The following PTGER3 variants were observed in gnomAD, a reference collection of about 807,000 sequenced individuals.
PTGER3 encodes prostaglandin E2 receptor EP3 subtype.
A neutral mutation model predicts 34.7 loss-of-function variants in PTGER3; 22 were observed. The ratio of observed to expected loss-of-function variants is 0.63; its 90% CI spans 0.45 to 0.91. The LOEUF (loss-of-function observed/expected upper bound fraction) is 0.91. Ranked by LOEUF, PTGER3 falls within the 40% of genes least tolerant of loss-of-function variation. The probability of loss-of-function intolerance (pLI) is 0.00; values close to 1 mark genes in which losing one functional copy is unlikely to be tolerated. For missense variants in PTGER3, 468 were observed against 519.4 expected (o/e 0.90, Z 0.96); for synonymous variants, 241 against 230.1 (o/e 1.05, Z -0.43).
chr1:71,010,333 C>CTGAT, intron 2 of PTGER3: 9 of 984,750 alleles, frequency 9.1e-6, no homozygotes, highest in Non-Finnish European at 1.1e-5. Flanking sequence ...CTTTATCAGC[C>CTGAT]TGATGGACTG....
intron 1 of PTGER3, among the ~76,000 whole-genome samples, chr1:71,019,056 A>G (rs1488112477): frequency 6.6e-6 from 1 of 152,240 alleles, no homozygotes; most frequent in African/African-American, 2.4e-5. Flanking sequence ...ATAAATTCAA[A>G]TTAGCATCCA....
At chr1:71,008,995 GT>G (rs1236480857) in intron 2 of PTGER3, 1 of 983,410 alleles carries the variant, frequency 1.0e-6, no homozygotes, top group African/African-American at 1.7e-5. Flanking sequence ...AAGAACAAAA[GT>G]TTTCTATTTT....
chr1:70,985,985 T>C (rs552950905), intron 2 of PTGER3, among the ~76,000 whole-genome samples: 2 of 152,230 alleles, frequency 1.3e-5, no homozygotes, highest in Non-Finnish European at 1.5e-5. Context: ...AGGAGATCAG[T>C]GCAGGACACA....
downstream of PTGER3, among the ~76,000 whole-genome samples, chr1:70,967,076 T>A (rs954783535): frequency 6.6e-5 from 10 of 152,090 alleles, no homozygotes; most frequent in African/African-American, 2.2e-4. Flanking sequence ...ACAGCAGTCA[T>A]GTCATGCCAT....
chr1:70,870,036 A>G (rs1166980650), intron 4 of PTGER3, among the ~76,000 whole-genome samples: 1 of 152,166 alleles, frequency 6.6e-6, no homozygotes, highest in Non-Finnish European at 1.5e-5. Context: ...GTTCTCTGTG[A>G]GGGCTCACTC....
chr1:70,979,289 T>C (rs968794350), intron 2 of PTGER3, among the ~76,000 whole-genome samples: 1 of 151,948 alleles, frequency 6.6e-6, no homozygotes, highest in African/African-American at 2.4e-5. Flanking sequence ...TAGATATTAT[T>C]TCTATTTTAT....
chr1:70,869,882 G>T lies in PTGER3; in HGVS notation c.*24-17023C>A, dbSNP rs1446107826. On this transcript the variant is annotated intron_variant, in intron 4 of 4. Coordinates refer to the PTGER3 transcript ENST00000370931. ...CATGTCTGTGGCTCTTCTACACTGA[G>T]GGTGCAAAGTGCCAGTGGTTCTTCC... 4.6e-5 allele frequency among the ~76,000 whole-genome samples: 7 copies of T among 152,264 alleles called. No homozygotes were observed. In the South Asian group the frequency reaches 8.3e-4, roughly 18 times the overall value.
At chr1:70,981,756 A>AT (rs764714604) in intron 2 of PTGER3, among the ~76,000 whole-genome samples, 1 of 152,034 alleles carries the variant, frequency 6.6e-6, no homozygotes, top group Admixed American at 6.6e-5. Flanking sequence ...TTAAGCTAAC[A>AT]TAAGTTTTGA....
At chr1:70,917,502 A>T (rs970205601) in intron 4 of PTGER3, among the ~76,000 whole-genome samples, 1 of 150,500 alleles carries the variant, frequency 6.6e-6, no homozygotes, top group Non-Finnish European at 1.5e-5. Context: ...TATTGTGAAT[A>T]GCACTGCAAT....
At chr1:70,983,672 AC>A (rs2100738322) in intron 2 of PTGER3, among the ~76,000 whole-genome samples, 1 of 152,296 alleles carries the variant, frequency 6.6e-6, no homozygotes, top group East Asian at 1.9e-4. Context: ...ATAACCACGC[AC>A]ACCTGGTCAA....
At chr1:70,955,626 G>T (rs1435377787) in intron 2 of PTGER3, among the ~76,000 whole-genome samples, 1 of 152,128 alleles carries the variant, frequency 6.6e-6, no homozygotes, top group African/African-American at 2.4e-5. Flanking sequence ...TGTTAGTAGA[G>T]ATTGGAAGTA....
intron 4 of PTGER3, among the ~76,000 whole-genome samples, chr1:70,897,727 T>G (rs1344082881): frequency 6.6e-6 from 1 of 152,224 alleles, no homozygotes; most frequent in Non-Finnish European, 1.5e-5. Flanking sequence ...GAATGTTTCC[T>G]GGTTTCCACC....
chr1:70,876,247 C>T (rs1369354692), intron 4 of PTGER3, among the ~76,000 whole-genome samples: 2 of 149,168 alleles, frequency 1.3e-5, no homozygotes, highest in Non-Finnish European at 3.0e-5. Context: ...CTTTTGGACA[C>T]AGTCTGTTCA....
At position 70,972,876 on chromosome 1, in the gene PTGER3, G is replaced by C. The variant is rs191324301; in HGVS notation, c.1170-1143C>G. 3.3e-4 allele frequency among the ~76,000 whole-genome samples: 50 copies of C among 152,120 alleles called. No individual in the cohort carries two copies. In the East Asian group the frequency reaches 8.3e-3, roughly 25 times the overall value. Reference sequence around the variant, plus strand: ...ACATGATACTGAATTTTTACTGACTGGTGAGACTAAAGTTTAGTAAGCTAT... The same window carrying C: ...ACATGATACTGAATTTTTACTGACTCGTGAGACTAAAGTTTAGTAAGCTAT... On this transcript the variant is annotated intron_variant, in intron 3 of 3. Coordinates refer to ENST00000306666, the MANE Select transcript of PTGER3 (RefSeq NM_198719.2).
intron 4 of PTGER3, among the ~76,000 whole-genome samples, chr1:70,939,016 C>A (rs1212349362): frequency 6.6e-6 from 1 of 152,148 alleles, no homozygotes; most frequent in African/African-American, 2.4e-5. Context: ...TGAGACAAGA[C>A]AAATCCCTTC....
chr1:71,021,855 G>C (rs1303215335), intron 1 of PTGER3, among the ~76,000 whole-genome samples: 1 of 151,732 alleles, frequency 6.6e-6, no homozygotes, highest in African/African-American at 2.4e-5. Context: ...TTAAACTATG[G>C]ACCATCCTTC....
At chr1:70,853,784 C>T (rs1645736371) in intron 4 of PTGER3, among the ~76,000 whole-genome samples, 1 of 152,100 alleles carries the variant, frequency 6.6e-6, no homozygotes, top group Non-Finnish European at 1.5e-5. Flanking sequence ...ACATATGGAT[C>T]AATAGAATAG....
intron 4 of PTGER3, among the ~76,000 whole-genome samples, chr1:70,916,974 TC>T (rs1036332881): frequency 2.6e-5 from 4 of 151,996 alleles, no homozygotes; most frequent in African/African-American, 9.7e-5. Context: ...GATATAACGG[TC>T]AAATTGTGGT....
intron 4 of PTGER3, among the ~76,000 whole-genome samples, chr1:70,886,062 C>T (rs1646491257): frequency 6.6e-6 from 1 of 152,180 alleles, no homozygotes; most frequent in South Asian, 2.1e-4. Context: ...TACCTACCCA[C>T]CAAATTCATA....
Sources: gnomAD v4.1 joint callset for allele counts (sites outside exome capture counted in the v4.1 genomes callset) on GRCh38, gnomAD v4.1.1 for gene constraint, MANE v1.5 for transcripts, NCBI Gene and HGNC (gene_info 2026-07-23, HGNC 2026-07-21) for gene names.